ZNF345: variants seen among roughly 807,000 people sequenced by gnomAD.
The protein encoded by ZNF345 is zinc finger protein HZF10.
For synonymous variants in ZNF345, 166 were observed against 187.9 expected, an observed-to-expected ratio of 0.88 and a Z score of 0.95; for missense variants, 527 against 589.9, an observed-to-expected ratio of 0.89 and a Z score of 1.10.
downstream of ZNF345, among the ~76,000 whole-genome samples, chr19:36,881,741 A>G (rs2072969695): frequency 6.6e-6 from 1 of 152,202 alleles, no homozygotes. Flanking sequence ...TACATATAAA[A>G]TACATCACTT....
intron 3 of ZNF345, among the ~76,000 whole-genome samples, chr19:36,884,636 G>T (rs1397949823): frequency 6.6e-6 from 1 of 152,068 alleles, no homozygotes; most frequent in Non-Finnish European, 1.5e-5. Flanking sequence ...CCTTCTTGCT[G>T]GTTTGTCTAA....
At chr19:36,868,590 T>G (rs938967429) in intron 2 of ZNF345, among the ~76,000 whole-genome samples, 1 of 151,934 alleles carries the variant, frequency 6.6e-6, no homozygotes, top group Admixed American at 6.6e-5. Flanking sequence ...CATATGATTT[T>G]GGGTACCCAT....
At chr19:36,893,191 G>A (rs181384388), downstream of ZNF345, among the ~76,000 whole-genome samples, 8 of 152,246 alleles carry the variant, frequency 5.3e-5, no homozygotes, top group Admixed American at 4.6e-4. Context: ...ACCAGCCTCC[G>A]ACAAATCTAA....
intron 1 of ZNF345, 137 bp downstream of exon 1, chr19:36,851,105 G>A (rs1163448805): frequency 6.5e-6 from 1 of 152,920 alleles, no homozygotes; most frequent in African/African-American, 2.4e-5. Context: ...ACCGTGTATG[G>A]AACTGTGAGG....
chr19:36,876,784 G>A lies in ZNF345; in HGVS notation c.-46-1G>A. 6.6e-7 allele frequency: 1 copy of A among 1,522,034 alleles called. No individual in the cohort carries two copies. Among genetic ancestry groups the A allele is most frequent in the Non-Finnish European group, 8.8e-7 (1 of 1,135,166 alleles). 94.3% of individuals were successfully genotyped at this position (1,522,034 alleles called of 1,614,324 possible). A position where few individuals can be genotyped will look rare whatever the true frequency, so the allele number is the denominator to read the frequency against. Reference sequence around the variant, plus strand: ...ATGTTTGCTTTTATATTTTCTTTCAGACTATGAATCAAAGTTGAGACCAAG... The same window carrying A: ...ATGTTTGCTTTTATATTTTCTTTCAAACTATGAATCAAAGTTGAGACCAAG... On this transcript the variant is annotated splice_acceptor_variant, in intron 2 of 2. Coordinates refer to ENST00000420450, the MANE Select transcript of ZNF345 (RefSeq NM_001242472.2). LOFTEE classifies it low-confidence loss of function (5UTR_SPLICE).
At chr19:36,860,820 T>A (rs1314162576) in intron 2 of ZNF345, among the ~76,000 whole-genome samples, 1 of 152,248 alleles carries the variant, frequency 6.6e-6, no homozygotes, top group African/African-American at 2.4e-5. Flanking sequence ...TTTGTGGAGA[T>A]GTACTTTGTA....
chr19:36,855,286 G>GC (rs2072387739), intron 2 of ZNF345, among the ~76,000 whole-genome samples: 1 of 151,552 alleles, frequency 6.6e-6, no homozygotes, highest in Non-Finnish European at 1.5e-5. Flanking sequence ...GGGACTACAG[G>GC]CCCCCGCCAC....
intron 2 of ZNF345, among the ~76,000 whole-genome samples, chr19:36,852,128 C>CTTTTTTTTTT (rs35747733): frequency 4.5e-4 from 46 of 102,670 alleles, no homozygotes; most frequent in African/African-American, 9.4e-4. Context: ...TTCTTTCTTT[C>CTTTTTTTTTT]TTTTTTTTTT....
downstream of ZNF345, among the ~76,000 whole-genome samples, chr19:36,881,402 A>T (rs764809735): frequency 3.3e-5 from 5 of 152,334 alleles, no homozygotes; most frequent in Middle Eastern, 3.4e-3. Context: ...TGAACATTTT[A>T]GTAAAAGGAT....
chr19:36,860,067 C>T (rs1167904010), intron 2 of ZNF345, among the ~76,000 whole-genome samples: 1 of 152,160 alleles, frequency 6.6e-6, no homozygotes, highest in Non-Finnish European at 1.5e-5. Context: ...ACTCCATTCT[C>T]CTGCCTCAGC....
chr19:36,889,169 T>C (rs2146219086), intron 3 of ZNF345: 1 of 152,348 alleles, frequency 6.6e-6, no homozygotes, highest in South Asian at 2.1e-4. Flanking sequence ...TGTTACTATC[T>C]TTTTTATGTA....
intron 2 of ZNF345, among the ~76,000 whole-genome samples, chr19:36,859,488 T>G (rs2072498623): frequency 6.6e-6 from 1 of 151,828 alleles, no homozygotes. Flanking sequence ...CACCAGTTCT[T>G]TTGTTTTTTT....
intron 2 of ZNF345, among the ~76,000 whole-genome samples, chr19:36,865,847 T>C (rs2072648905): frequency 6.6e-6 from 1 of 152,206 alleles, no homozygotes; most frequent in East Asian, 1.9e-4. Flanking sequence ...CTTCCACTCA[T>C]AGCTTGTTCA....
intron 2 of ZNF345, chr19:36,872,883 C>A (rs2146191471): frequency 6.6e-6 from 1 of 152,192 alleles, no homozygotes; most frequent in Non-Finnish European, 1.5e-5. Flanking sequence ...CTTTAGAATC[C>A]ATTGAGGATC....
At chr19:36,856,891 A>G (rs1039875862) in intron 2 of ZNF345, among the ~76,000 whole-genome samples, 1 of 152,118 alleles carries the variant, frequency 6.6e-6, no homozygotes, top group Non-Finnish European at 1.5e-5. Flanking sequence ...TATTTTCATT[A>G]CAAAAAGAAT....
chr19:36,890,855 C>G (rs2073044166), intron 3 of ZNF345: 1 of 151,772 alleles, frequency 6.6e-6, no homozygotes, highest in Non-Finnish European at 1.5e-5. Context: ...GACTCTGTCT[C>G]AAAATAAAAT....
intron 2 of ZNF345, among the ~76,000 whole-genome samples, chr19:36,863,175 T>C (rs1014141779): frequency 6.6e-6 from 1 of 152,230 alleles, no homozygotes; most frequent in Non-Finnish European, 1.5e-5. Context: ...TCCTGGGTCA[T>C]ACTATATACT....
intron 2 of ZNF345, chr19:36,872,818 G>C (rs551007005): frequency 6.6e-6 from 1 of 152,282 alleles, no homozygotes; most frequent in South Asian, 2.1e-4. Flanking sequence ...AATCTGTAGA[G>C]TGATACTGTG....
chr19:36,872,470 T>C (rs2072790408), intron 2 of ZNF345: 1 of 152,356 alleles, frequency 6.6e-6, no homozygotes, highest in Non-Finnish European at 1.5e-5. Context: ...CCAAAAGAGC[T>C]GGTTGTTAAA....
Sources: allele counts gnomAD v4.1 joint callset (sites outside exome capture counted in the v4.1 genomes callset), GRCh38; gene constraint gnomAD v4.1.1; transcripts MANE v1.5; gene names NCBI Gene and HGNC (gene_info 2026-07-23, HGNC 2026-07-21).